LIMCH1: variants seen among roughly 807,000 people sequenced by gnomAD.
LIMCH1 encodes LIM and calponin homology domains 1.
LIMCH1 carries 113 observed loss-of-function variants against 176.5 expected under a neutral mutation model. The observed-to-expected ratio is 0.64, with a 90% CI of 0.55 to 0.75. LIMCH1 has a LOEUF of 0.75. Among genes scored for constraint, LIMCH1 ranks in the 30% least tolerant of loss-of-function variants. The pLI, the probability that LIMCH1 is intolerant of heterozygous loss-of-function variation, is 0.00. For synonymous variants in LIMCH1, 619 were observed against 645.9 expected (o/e 0.96, Z 0.63); for missense variants, 1,674 against 1,814.9 (o/e 0.92, Z 1.41).
At chr4:41,468,225 C>A (rs1213764743) in intron 1 of LIMCH1, among the ~76,000 whole-genome samples, 1 of 133,440 alleles carries the variant, frequency 7.5e-6, no homozygotes, top group Non-Finnish European at 1.6e-5. Context: ...TATTCCCTCC[C>A]TCCCCTCCCC....
chr4:41,639,536 C>T (rs529707509), intron 14 of LIMCH1, among the ~76,000 whole-genome samples: 1 of 152,072 alleles, frequency 6.6e-6, no homozygotes, highest in Non-Finnish European at 1.5e-5. Context: ...ACATGACTGG[C>T]CCTTCCCCTC....
At chr4:41,677,314 A>C (rs1711612629) in intron 23 of LIMCH1, among the ~76,000 whole-genome samples, 1 of 152,200 alleles carries the variant, frequency 6.6e-6, no homozygotes, top group African/African-American at 2.4e-5. Flanking sequence ...AGGCTGAGAC[A>C]GGAGAATTGT....
At chr4:41,515,427 A>C (rs1469975011) in intron 2 of LIMCH1, among the ~76,000 whole-genome samples, 1 of 152,232 alleles carries the variant, frequency 6.6e-6, no homozygotes, top group Non-Finnish European at 1.5e-5. Context: ...CCTTAGCCAC[A>C]GGCAGGATTC....
intron 1 of LIMCH1, among the ~76,000 whole-genome samples, chr4:41,453,903 T>C (rs532814598): frequency 2.0e-5 from 3 of 152,308 alleles, no homozygotes; most frequent in African/African-American, 4.8e-5. Flanking sequence ...TCTTTCTTTT[T>C]CCACGCTTCT....
At chr4:41,553,063 G>C (rs1660438126) in intron 1 of LIMCH1, among the ~76,000 whole-genome samples, 1 of 152,176 alleles carries the variant, frequency 6.6e-6, no homozygotes, top group Non-Finnish European at 1.5e-5. Flanking sequence ...GGTATAATCA[G>C]CCTTCCAGGC....
At chr4:41,646,309 G>A in intron 16 of LIMCH1, 29 bp downstream of exon 16, 4 of 1,581,750 alleles carry the variant, frequency 2.5e-6, no homozygotes, top group Non-Finnish European at 3.4e-6. Flanking sequence ...CGTTTTTAAT[G>A]TACAATATTA....
At chr4:41,452,947 A>G (rs2064078076) in intron 1 of LIMCH1, among the ~76,000 whole-genome samples, 1 of 152,172 alleles carries the variant, frequency 6.6e-6, no homozygotes, top group Admixed American at 6.5e-5. Flanking sequence ...GGTGCCATGT[A>G]TGTTTTAGGT....
At chr4:41,621,285 G>A (rs78523290) in intron 7 of LIMCH1, among the ~76,000 whole-genome samples, 7,243 of 152,158 alleles carry the variant, frequency 0.048, 259 homozygotes, top group Non-Finnish European at 0.076. Context: ...AGTCCTGATA[G>A]CTTCATATTA....
chr4:41,498,773 T>G (rs921114534), intron 2 of LIMCH1, among the ~76,000 whole-genome samples: 4 of 152,226 alleles, frequency 2.6e-5, no homozygotes, highest in African/African-American at 9.6e-5. Context: ...TGTTTTGAAA[T>G]AACTCCAGAA....
intron 1 of LIMCH1, among the ~76,000 whole-genome samples, chr4:41,583,976 C>T (rs1487612149): frequency 2.6e-5 from 4 of 152,022 alleles, no homozygotes; most frequent in Non-Finnish European, 5.9e-5. Flanking sequence ...TTAGCCTTCT[C>T]AGTAGAGAGG....
At chr4:41,440,690 G>A (rs2062607879) in intron 1 of LIMCH1, among the ~76,000 whole-genome samples, 1 of 151,978 alleles carries the variant, frequency 6.6e-6, no homozygotes, top group South Asian at 2.1e-4. Flanking sequence ...ACACCACCGC[G>A]CCCGGCTAAT....
At chr4:41,480,344 C>T (rs567628406) in intron 1 of LIMCH1, among the ~76,000 whole-genome samples, 1 of 152,194 alleles carries the variant, frequency 6.6e-6, no homozygotes, top group Non-Finnish European at 1.5e-5. Flanking sequence ...TGCAGTGGCT[C>T]ACTCCTGTAA....
intron 22 of LIMCH1, among the ~76,000 whole-genome samples, chr4:41,673,022 A>G (rs1171660734): frequency 6.6e-6 from 1 of 152,170 alleles, no homozygotes; most frequent in Non-Finnish European, 1.5e-5. Flanking sequence ...CCCAATAGCT[A>G]ATCCAAGAGG....
chr4:41,488,138 T>C (rs1215242160), intron 1 of LIMCH1, among the ~76,000 whole-genome samples: 1 of 152,184 alleles, frequency 6.6e-6, no homozygotes, highest in African/African-American at 2.4e-5. Flanking sequence ...AGCTAAACTT[T>C]GTTGGGCTGT....
At chr4:41,693,945 A>G (rs1286502215) in intron 31 of LIMCH1, among the ~76,000 whole-genome samples, 1 of 152,154 alleles carries the variant, frequency 6.6e-6, no homozygotes, top group Admixed American at 6.5e-5. Flanking sequence ...ACCTCTTTTC[A>G]TCTAGATTTT....
At chr4:41,656,557 A>G (rs979167092) in intron 18 of LIMCH1, among the ~76,000 whole-genome samples, 1 of 152,152 alleles carries the variant, frequency 6.6e-6, no homozygotes, top group Non-Finnish European at 1.5e-5. Context: ...GTACAAAAAA[A>G]AGTTTAAGAC....
intron 1 of LIMCH1, among the ~76,000 whole-genome samples, chr4:41,598,490 A>C (rs1263604751): frequency 6.6e-6 from 1 of 152,184 alleles, no homozygotes; most frequent in Non-Finnish European, 1.5e-5. Context: ...TAGAAGATCA[A>C]TTAAGAAGAA....
intron 1 of LIMCH1, among the ~76,000 whole-genome samples, chr4:41,587,745 C>G (rs1187851672): frequency 6.6e-6 from 1 of 152,140 alleles, no homozygotes; most frequent in Non-Finnish European, 1.5e-5. Flanking sequence ...ACTTAACATA[C>G]TACCTTTCAA....
At chr4:41,547,009 A>G (rs867858606) in intron 1 of LIMCH1, among the ~76,000 whole-genome samples, 9 of 152,064 alleles carry the variant, frequency 5.9e-5, no homozygotes, top group African/African-American at 1.4e-4. Context: ...TTTTTTGTAA[A>G]CAATGTTTAT....
Sources: gnomAD v4.1 joint callset for allele counts (sites outside exome capture counted in the v4.1 genomes callset) on GRCh38, gnomAD v4.1.1 for gene constraint, MANE v1.5 for transcripts, NCBI Gene and HGNC (gene_info 2026-07-23, HGNC 2026-07-21) for gene names.